Variants in SH3BGRL2 observed in about 807,000 individuals in gnomAD.
SH3BGRL2 encodes SH3 domain-binding glutamic acid-rich-like protein 2.
Under a neutral mutation model 14.8 loss-of-function variants are expected in SH3BGRL2, and 21 were observed. The ratio of observed to expected loss-of-function variants is 1.42; its 90% confidence interval spans 1.01 to 2.05. The LOEUF is 2.05. Ranked by LOEUF, SH3BGRL2 falls within the 30% of genes most tolerant of loss-of-function variation. SH3BGRL2 has a pLI of 0.00. For missense variants in SH3BGRL2, 147 were observed against 130.8 expected (o/e 1.12, Z -0.61); for synonymous variants, 50 against 47.8 (o/e 1.05, Z -0.19).
chr6:79,703,508 C>T lies in SH3BGRL2; in HGVS notation c.*3999C>T, dbSNP rs554311904. The T allele has an allele frequency of 2.8e-4, 43 of 152,184 alleles. No individual in the cohort carries two copies. Among genetic ancestry groups the T allele is most frequent in the African/African-American group, 8.9e-4 (37 of 41,512 alleles). The allele number at this position is 152,184 out of a possible 1,614,324, so 9.4% of individuals were successfully genotyped here. On this transcript the variant is annotated 3_prime_UTR_variant, in exon 4 of 4. Coordinates refer to ENST00000369838, the MANE Select transcript of SH3BGRL2 (RefSeq NM_031469.4). ...CCTTATTGCCTTTCCTTTGAGGTAC[C>T]GTGTGCGGTTTCCTGAACCTATCTC...
At chr6:79,614,618 G>C in the SH3BGRL2 span, among the ~76,000 whole-genome samples, 1 of 152,116 alleles carries the variant, frequency 6.6e-6, no homozygotes, top group Non-Finnish European at 1.5e-5. Flanking sequence ...CCCCGATGTG[G>C]TGCTGCCACA....
At chr6:79,625,225 T>C in the SH3BGRL2 span, among the ~76,000 whole-genome samples, 14 of 137,656 alleles carry the variant, frequency 1.0e-4, no homozygotes, top group South Asian at 6.8e-4. Context: ...TACACACACA[T>C]ATATATATAC....
At chr6:79,575,082 G>C in the SH3BGRL2 span, 1 of 152,186 alleles carries the variant, frequency 6.6e-6, no homozygotes. Flanking sequence ...AAGCAGTCAA[G>C]GGGAAGGAAG....
chr6:79,589,655 C>T, the SH3BGRL2 span, among the ~76,000 whole-genome samples: 151 of 152,164 alleles, frequency 9.9e-4, no homozygotes, highest in Non-Finnish European at 6.6e-4. Flanking sequence ...CTTAAAATGG[C>T]CACGCTAGGT....
chr6:79,579,542 C>T, the SH3BGRL2 span, among the ~76,000 whole-genome samples: 2 of 152,088 alleles, frequency 1.3e-5, no homozygotes, highest in Non-Finnish European at 2.9e-5. Context: ...TCATATCCAG[C>T]CAAACTAAGC....
intron 2 of SH3BGRL2, among the ~76,000 whole-genome samples, chr6:79,682,197 G>A (rs1429495938): frequency 2.6e-5 from 4 of 152,156 alleles, no homozygotes; most frequent in African/African-American, 7.2e-5. Context: ...GCAAGTACAG[G>A]AAGTTTGACA....
At chr6:79,580,917 G>A in the SH3BGRL2 span, among the ~76,000 whole-genome samples, 1 of 152,062 alleles carries the variant, frequency 6.6e-6, no homozygotes, top group Non-Finnish European at 1.5e-5. Context: ...AGAAAAGAGA[G>A]AAGAATCAAA....
chr6:79,592,391 AT>A, the SH3BGRL2 span, among the ~76,000 whole-genome samples: 2 of 152,202 alleles, frequency 1.3e-5, no homozygotes, highest in South Asian at 4.1e-4. Context: ...AACAGGAGAA[AT>A]AGATATACAA....
the SH3BGRL2 span, among the ~76,000 whole-genome samples, chr6:79,583,882 A>G: frequency 6.6e-6 from 1 of 152,214 alleles, no homozygotes; most frequent in South Asian, 2.1e-4. Flanking sequence ...GCTGTATGCA[A>G]GTGACATTCT....
intron 2 of SH3BGRL2, among the ~76,000 whole-genome samples, chr6:79,688,749 C>A (rs1770150755): frequency 6.6e-6 from 1 of 152,032 alleles, no homozygotes; most frequent in Non-Finnish European, 1.5e-5. Context: ...AGAATGCTTA[C>A]AACCATAAGA....
At chr6:79,667,168 T>A (rs1256099377) in intron 1 of SH3BGRL2, among the ~76,000 whole-genome samples, 1 of 152,228 alleles carries the variant, frequency 6.6e-6, no homozygotes, top group East Asian at 1.9e-4. Context: ...TCAGAAGGAC[T>A]CTGACACTGC....
the SH3BGRL2 span, chr6:79,561,192 T>G: frequency 6.6e-6 from 1 of 151,916 alleles, no homozygotes; most frequent in Non-Finnish European, 1.5e-5. Flanking sequence ...CAATACATTC[T>G]TTAATAATAA....
the SH3BGRL2 span, among the ~76,000 whole-genome samples, chr6:79,554,590 G>A: frequency 6.6e-6 from 1 of 152,160 alleles, no homozygotes; most frequent in East Asian, 1.9e-4. Context: ...TGGAATGTAA[G>A]TTAAAAATAT....
At chr6:79,678,567 G>T (rs1013875456) in intron 2 of SH3BGRL2, among the ~76,000 whole-genome samples, 5 of 152,028 alleles carry the variant, frequency 3.3e-5, no homozygotes, top group Admixed American at 1.3e-4. Context: ...TCACCTCTTG[G>T]CTATTGTGAA....
the SH3BGRL2 span, among the ~76,000 whole-genome samples, chr6:79,560,113 G>A: frequency 6.6e-6 from 1 of 152,108 alleles, no homozygotes; most frequent in Non-Finnish European, 1.5e-5. Context: ...GGGGTGGGGA[G>A]CATACACCAT....
Position 79,702,394 on chromosome 6 carries a change from G to T in SH3BGRL2, c.*2885G>T, listed in dbSNP as rs1445017016. 1 of 152,556 alleles carries T rather than the reference G, an allele frequency of 6.6e-6. No individual in the cohort carries two copies. The highest frequency in any genetic ancestry group is 2.4e-5 in the African/African-American group (1 of 41,406). The allele number at this position is 152,556 out of a possible 1,614,324, so 9.5% of individuals were successfully genotyped here. On this transcript the variant is annotated 3_prime_UTR_variant, in exon 4 of 4. Coordinates refer to ENST00000369838, the MANE Select transcript of SH3BGRL2 (RefSeq NM_031469.4). ...TTTGTTAAGTGTCAGGCTGCACTTT[G>T]CTCCATATAATTATTGTTTTCAGAT...
At chr6:79,645,469 T>TA (rs554730448) in intron 1 of SH3BGRL2, among the ~76,000 whole-genome samples, 212 of 152,232 alleles carry the variant, frequency 1.4e-3, no homozygotes, top group African/African-American at 5.0e-3. Context: ...TGGAACTGAG[T>TA]AGTGATGCCC....
the SH3BGRL2 span, among the ~76,000 whole-genome samples, chr6:79,616,482 G>A: frequency 6.6e-6 from 1 of 151,970 alleles, no homozygotes; most frequent in Non-Finnish European, 1.5e-5. Context: ...CTGGCCCTTT[G>A]TACACATTTT....
chr6:79,564,108 T>C, the SH3BGRL2 span, among the ~76,000 whole-genome samples: 1 of 152,068 alleles, frequency 6.6e-6, no homozygotes, highest in African/African-American at 2.4e-5. Flanking sequence ...TAACTCATAC[T>C]GAATAGTAGT....
Sources: allele counts gnomAD v4.1 joint callset (sites outside exome capture counted in the v4.1 genomes callset), GRCh38; gene constraint gnomAD v4.1.1; transcripts MANE v1.5; gene names NCBI Gene and HGNC (gene_info 2026-07-23, HGNC 2026-07-21).